The following GRB10 variants were observed in gnomAD, a reference collection of about 807,000 sequenced individuals.
The protein encoded by GRB10 is growth factor receptor bound protein 10, also known as growth factor receptor-bound protein 10.
In GRB10, 20 loss-of-function variants were observed where a neutral mutation model predicts 80.9. The observed-to-expected ratio is 0.25, with a 90% CI of 0.17 to 0.36. The LOEUF is 0.36. Ranked by LOEUF, GRB10 falls within the 10% of genes least tolerant of loss-of-function variation. The pLI is 1.00. For missense variants in GRB10, 548 were observed against 747.7 expected (o/e 0.73, Z 3.12); for synonymous variants, 291 against 291.5 (o/e 1.00, Z 0.02).
In GRB10 at chr7:50,674,501, G is replaced by C. The variant is rs767886856; in HGVS notation, c.297C>G (p.Ile99Met). ...QPRASGPPRS[I>M]QPQVSPRQRV... Reference sequence around the variant, plus strand: ...TCTGCCTCGGGGACACCTGTGGCTGGATGGACCGAGGAGGGCCTGAAGCCC... The same window carrying C: ...TCTGCCTCGGGGACACCTGTGGCTGCATGGACCGAGGAGGGCCTGAAGCCC... The change falls in exon 6 of 19, where the codon ATC becomes ATG. Residue 99 changes from isoleucine to methionine, a missense_variant. Ile to Met is a conservative substitution (Grantham distance 10). Coordinates refer to ENST00000401949, the MANE Select transcript of GRB10 (RefSeq NM_001350814.2). 6.2e-7 allele frequency: 1 copy of C among 1,609,478 alleles called. No homozygotes were observed. The highest frequency in any genetic ancestry group is 8.5e-7 in the Non-Finnish European group (1 of 1,180,004).
intron 1 of GRB10, among the ~76,000 whole-genome samples, chr7:50,788,797 A>G (rs1378443491): frequency 3.3e-5 from 5 of 152,228 alleles, no homozygotes; most frequent in African/African-American, 1.2e-4. Context: ...AGCGGTCCAC[A>G]GTCATTTCAG....
At chr7:50,664,727 C>G (rs758052238) in intron 7 of GRB10, among the ~76,000 whole-genome samples, 7 of 152,208 alleles carry the variant, frequency 4.6e-5, no homozygotes, top group Admixed American at 2.0e-4. Flanking sequence ...GTGGCACCAA[C>G]TAGACCGTGA....
intron 6 of GRB10, among the ~76,000 whole-genome samples, chr7:50,672,163 T>C (rs1242175061): frequency 6.6e-6 from 1 of 152,212 alleles, no homozygotes. Context: ...ATACCCTGCC[T>C]GCCCCCCAGC....
chr7:50,774,556 C>T (rs1588064182), intron 2 of GRB10, among the ~76,000 whole-genome samples: 1 of 152,108 alleles, frequency 6.6e-6, no homozygotes, highest in Non-Finnish European at 1.5e-5. Context: ...TTGATGGGGG[C>T]AAGAATCCAT....
Position 50,766,375 on chromosome 7 carries a change from G to A in GRB10, c.-216-10319C>T, listed in dbSNP as rs1293557780. On this transcript the variant is annotated intron_variant, in intron 2 of 18. Transcript: ENST00000401949. The stretch of plus-strand genomic sequence containing the variant: ...GCACAGGCCCTTTTCTATACAGGCA[G>A]CTTCTGGAAATACTGAAAGACTTTG... 2.6e-5 allele frequency among the ~76,000 whole-genome samples: 4 copies of A among 152,134 alleles called. No individual in the cohort carries two copies. In the East Asian group the frequency reaches 7.7e-4, roughly 29 times the overall value.
upstream of GRB10, among the ~76,000 whole-genome samples, chr7:50,785,549 T>G (rs2153715334): frequency 6.6e-6 from 1 of 152,288 alleles, no homozygotes; most frequent in South Asian, 2.1e-4. Context: ...CCCCAACCCC[T>G]TCCCAGCACT....
At chr7:50,741,837 ATGACAAAAT>A in intron 3 of GRB10, among the ~76,000 whole-genome samples, 1 of 152,324 alleles carries the variant, frequency 6.6e-6, no homozygotes, top group Non-Finnish European at 1.5e-5. Context: ...AAAGCAAAGC[ATGACAAAAT>A]TGAAATCCAA....
chr7:50,658,612 T>G (rs928795518), intron 7 of GRB10, among the ~76,000 whole-genome samples: 1 of 152,232 alleles, frequency 6.6e-6, no homozygotes, highest in Non-Finnish European at 1.5e-5. Context: ...GTATATAATT[T>G]AAGTGCTCAC....
rs372503757 is a variant in GRB10, at chr7:50,623,731, T to C, written c.661+3091A>G. Among the ~76,000 whole-genome samples, 5 of 152,220 alleles carry C rather than the reference T, an allele frequency of 3.3e-5. No individual in the cohort carries two copies. In the South Asian group the frequency reaches 6.2e-4, roughly 19 times the overall value. ...TTCTGGGTATAGAAAAGGTTTAATA[T>C]TATTAAGGGACTGATATTTTAGCTG... On this transcript the variant is annotated intron_variant, in intron 8 of 18. Transcript: ENST00000401949.
chr7:50,729,228 A>G (rs1254439479), intron 4 of GRB10: 1 of 152,220 alleles, frequency 6.6e-6, no homozygotes, highest in Non-Finnish European at 1.5e-5. Context: ...ATTGTTTTTA[A>G]TTCAGAAATC....
chr7:50,609,416 C>G (rs2153574281), intron 13 of GRB10, among the ~76,000 whole-genome samples: 1 of 152,294 alleles, frequency 6.6e-6, no homozygotes, highest in Non-Finnish European at 1.5e-5. Context: ...TTTATAATGT[C>G]TTAGAATTGA....
At chr7:50,603,870 T>C in intron 17 of GRB10, 128 bp downstream of exon 17, 1 of 859,076 alleles carries the variant, frequency 1.2e-6, no homozygotes, top group Non-Finnish European at 2.0e-6. Context: ...GCCTACCTTT[T>C]CTCCTCTTTA....
Position 50,591,148 on chromosome 7 carries a change from C to T in GRB10, c.*1804G>A, listed in dbSNP as rs1475340332. 1 of 152,224 alleles carries T rather than the reference C, an allele frequency of 6.6e-6. No individual in the cohort carries two copies. Among genetic ancestry groups the T allele is most frequent in the Non-Finnish European group, 1.5e-5 (1 of 68,038 alleles). The allele number at this position is 152,224 out of a possible 1,614,324, so 9.4% of individuals were successfully genotyped here. Reference sequence around the variant, plus strand: ...TACTGTCAATAGTTTGAAAGACTGACTGGCTGCGAAAGGAAGAAAATGCAA... The same window carrying T: ...TACTGTCAATAGTTTGAAAGACTGATTGGCTGCGAAAGGAAGAAAATGCAA... On this transcript the variant is annotated 3_prime_UTR_variant, in exon 19 of 19. Coordinates refer to ENST00000401949, the MANE Select transcript of GRB10 (RefSeq NM_001350814.2).
At chr7:50,741,672 C>T (rs1464066936) in intron 3 of GRB10, among the ~76,000 whole-genome samples, 3 of 151,262 alleles carry the variant, frequency 2.0e-5, no homozygotes, top group Non-Finnish European at 4.4e-5. Context: ...TAGGACAATG[C>T]ACACCCCCAT....
rs150097540 is a variant in GRB10, at chr7:50,665,781, C to T, written c.504+3941G>A. 3.3e-5 allele frequency among the ~76,000 whole-genome samples: 5 copies of T among 152,292 alleles called. No homozygotes were observed. The East Asian group carries it at 9.7e-4, about 29-fold the overall frequency. ...TGAATCCAGGGCAGGTGAAGGACAG[C>T]CAGGCAGGAAGGAATGAGTGGGCTG... is the stretch of plus-strand genomic sequence containing the variant. On this transcript the variant is annotated intron_variant, in intron 7 of 18. Transcript: ENST00000401949.
chr7:50,603,767 G>A (rs1271586129), intron 17 of GRB10, among the ~76,000 whole-genome samples: 1 of 152,200 alleles, frequency 6.6e-6, no homozygotes, highest in African/African-American at 2.4e-5. Flanking sequence ...CAGAGGTGAA[G>A]GATAATTACA....
chr7:50,710,849 G>T (rs1256708420), intron 4 of GRB10: 17 of 1,611,530 alleles, frequency 1.1e-5, no homozygotes, highest in Non-Finnish European at 1.4e-5. Context: ...AAGGTACTGA[G>T]TGTTCGGTAG....
chr7:50,779,418 C>T (rs182146901), intron 2 of GRB10: 25 of 152,308 alleles, frequency 1.6e-4, no homozygotes, highest in Middle Eastern at 3.4e-3. Flanking sequence ...AGAACTGAAA[C>T]GTGCCAGCTC....
chr7:50,656,755 A>G (rs184377565), intron 7 of GRB10, among the ~76,000 whole-genome samples: 1 of 152,358 alleles, frequency 6.6e-6, no homozygotes, highest in Non-Finnish European at 1.5e-5. Flanking sequence ...AGGTGGAGAA[A>G]GGCTCCAGGA....
Sources: allele counts gnomAD v4.1 joint callset (sites outside exome capture counted in the v4.1 genomes callset), GRCh38; gene constraint gnomAD v4.1.1; transcripts MANE v1.5; gene names NCBI Gene and HGNC (gene_info 2026-07-23, HGNC 2026-07-21).